The following COL27A1 variants were observed in gnomAD, a reference collection of about 807,000 sequenced individuals.
The protein encoded by COL27A1 is collagen type XXVII alpha 1 chain.
Under a neutral mutation model 251.3 loss-of-function variants are expected in COL27A1, and 106 were observed. The ratio of observed to expected loss-of-function variants is 0.42; its 90% CI spans 0.36 to 0.50. The LOEUF is 0.50. COL27A1 is among the 20% of genes least tolerant of loss of function. The pLI, the probability that COL27A1 is intolerant of heterozygous loss-of-function variation, is 0.00. For missense variants in COL27A1, 2,325 were observed against 2,522.8 expected (o/e 0.92, Z 1.68); for synonymous variants, 1,000 against 986.3 (o/e 1.01, Z -0.26).
chr9:114,300,416 A>G (rs1828534189), intron 50 of COL27A1: 4 of 581,884 alleles, frequency 6.9e-6, no homozygotes, highest in South Asian at 2.2e-5. Context: ...AATAAAGACC[A>G]GGGGCATATG....
intron 40 of COL27A1, among the ~76,000 whole-genome samples, chr9:114,284,192 TAA>T (rs1836111215): frequency 6.6e-6 from 1 of 152,084 alleles, no homozygotes; most frequent in East Asian, 1.9e-4. Context: ...CTCAGGAGGA[TAA>T]AGAGCATGCA....
Position 114,290,364 on chromosome 9 carries a change from T to C in COL27A1, c.4368+33T>C. On this transcript the variant is annotated intron_variant, in intron 47 of 60. Transcript: ENST00000356083. This position sits in a 1 kb window ranked among gnomAD's most constrained non-coding sequence, Gnocchi z 4.6. ...GGAATTGGCATTAACAGATGGTGGCTCCATTTGGGACCAGGTGTAGGGGAA... is the reference window on the plus strand; with the variant it reads ...GGAATTGGCATTAACAGATGGTGGCCCCATTTGGGACCAGGTGTAGGGGAA... The C allele has an allele frequency of 6.6e-7, 1 of 1,523,922 alleles. No individual in the cohort carries two copies. The highest frequency in any genetic ancestry group is 8.9e-7 in the Non-Finnish European group (1 of 1,120,290). 94.4% of individuals were successfully genotyped at this position (1,523,922 alleles called of 1,614,324 possible). A position where few individuals can be genotyped will look rare whatever the true frequency, so the allele number is the denominator to read the frequency against.
rs777485480 is a variant in COL27A1, at chr9:114,183,065, C to T, written c.2006C>T (p.Pro669Leu). The T allele has an allele frequency of 3.1e-6, 5 of 1,613,284 alleles. No homozygotes were observed. Among genetic ancestry groups the T allele is most frequent in the Non-Finnish European group, 2.5e-6 (3 of 1,179,894 alleles). Residue 669 changes from proline to leucine, a missense_variant, in exon 5 of 61, where the codon CCT becomes CTT. Around this residue, in one of 4 missense-constraint regions of COL27A1, gnomAD observed 1,183 missense variants for 1,144.1 expected, o/e 1.03. Transcript: ENST00000356083. ...PYGNPGLPGPPGAKGQKGDPG... is the reference protein window; with the variant it reads ...PYGNPGLPGPLGAKGQKGDPG... ...GGAAATCCAGGTCTCCCCGGCCCTC[C>T]TGGAGCCAAAGTGAGTATTTGCTGG...
chr9:114,284,339 G>T (rs1261016070), intron 40 of COL27A1, among the ~76,000 whole-genome samples: 1 of 152,206 alleles, frequency 6.6e-6, no homozygotes, highest in Non-Finnish European at 1.5e-5. Flanking sequence ...ACCTGGAGGG[G>T]TGTTGCGAGG....
At chr9:114,188,502 T>G (rs1236687037) in intron 5 of COL27A1, among the ~76,000 whole-genome samples, 2 of 152,160 alleles carry the variant, frequency 1.3e-5, no homozygotes, top group Admixed American at 1.3e-4. Flanking sequence ...TGATCATAGT[T>G]CATACCTCAT....
chr9:114,250,025 C>T (rs1235248502), intron 24 of COL27A1, among the ~76,000 whole-genome samples: 2 of 152,234 alleles, frequency 1.3e-5, no homozygotes. Context: ...AGAAGAACCC[C>T]CTGGAACCCA....
At position 114,168,345 on chromosome 9, in the gene COL27A1, C is replaced by T. The variant is rs772101697; in HGVS notation, c.790C>T (p.Leu264Phe). The change falls in exon 3 of 61, where the codon CTC becomes TTC. Residue 264 changes from leucine to phenylalanine, a missense_variant. Transcript: ENST00000356083. ...CAGACCTTTTACCTTCCAGTCCGAC[C>T]TCGCCCTGCTAGGCCTGGAGAACTT... ...SGRPFTFQSD[L>F]ALLGLENLTT... 12 of 1,613,388 alleles carry T rather than the reference C, an allele frequency of 7.4e-6. No homozygotes were observed. In the South Asian group the frequency reaches 7.7e-5, roughly 10 times the overall value.
At chr9:114,234,894 C>A (rs1832248850) in intron 16 of COL27A1, among the ~76,000 whole-genome samples, 1 of 150,662 alleles carries the variant, frequency 6.6e-6, no homozygotes, top group South Asian at 2.1e-4. Flanking sequence ...TGGCGAAACC[C>A]CATCTTTACT....
At chr9:114,285,176 G>A (rs1827374768) in intron 41 of COL27A1, among the ~76,000 whole-genome samples, 1 of 152,226 alleles carries the variant, frequency 6.6e-6, no homozygotes, top group African/African-American at 2.4e-5. Context: ...AGGATGCTGA[G>A]CAGGAGAGGC....
At chr9:114,245,985 C>T in intron 24 of COL27A1, 75 bp downstream of exon 24, 1 of 1,291,702 alleles carries the variant, frequency 7.7e-7, no homozygotes, top group South Asian at 1.3e-5. Context: ...CTTTGCCCAG[C>T]ACCCTCCATG....
chr9:114,193,494 G>A (rs545415728), intron 5 of COL27A1, among the ~76,000 whole-genome samples: 3 of 152,078 alleles, frequency 2.0e-5, no homozygotes, highest in African/African-American at 4.8e-5. Context: ...CAGGAGCCAG[G>A]GCATCCTGGA....
Position 114,240,213 on chromosome 9 carries a change from C to A in COL27A1, c.2728-7C>A, listed in dbSNP as rs2135473790. On this transcript the variant is annotated splice_polypyrimidine_tract_variant and splice_region_variant and intron_variant, in intron 19 of 60. Transcript: ENST00000356083. ...CGTGGGTGACCCTGCTCTCTGCTTC[C>A]CCTCAGGGATTCCCAGGAGACATCG... The A allele has an allele frequency of 6.2e-7, 1 of 1,612,924 alleles. No individual in the cohort carries two copies. The highest frequency in any genetic ancestry group is 1.1e-5 in the South Asian group (1 of 91,004).
In COL27A1 at chr9:114,225,169, G is replaced by A. The variant is rs140900837; in HGVS notation, c.2466+2902G>A. Among the ~76,000 whole-genome samples the A allele has an allele frequency of 2.9e-3, 441 of 152,266 alleles. 3 individuals are homozygous for A. Among genetic ancestry groups the A allele is most frequent in the Middle Eastern group, 0.014 (4 of 294 alleles). On this transcript the variant is annotated intron_variant, in intron 14 of 60. Coordinates refer to ENST00000356083, the MANE Select transcript of COL27A1 (RefSeq NM_032888.4). ...AGTGTCTCTTAGGAGAAACCCTTTCGGCAAATGGGAAAACTGAGGCCCTTG... is the reference window on the plus strand; with the variant it reads ...AGTGTCTCTTAGGAGAAACCCTTTCAGCAAATGGGAAAACTGAGGCCCTTG...
At chr9:114,202,409 ATAAT>A (rs1385085165) in intron 7 of COL27A1, among the ~76,000 whole-genome samples, 1 of 152,180 alleles carries the variant, frequency 6.6e-6, no homozygotes, top group African/African-American at 2.4e-5. Flanking sequence ...TTCAGAGAGG[ATAAT>A]TACTCATACA....
chr9:114,210,877 C>A, intron 11 of COL27A1, 105 bp from the exon 12 acceptor site: 1 of 1,121,312 alleles, frequency 8.9e-7, no homozygotes, highest in Non-Finnish European at 1.3e-6. Flanking sequence ...ACATTCCAGG[C>A]CCTCTGTGAC....
chr9:114,154,285 G>C (rs1236835072), upstream of COL27A1, among the ~76,000 whole-genome samples: 3 of 152,164 alleles, frequency 2.0e-5, no homozygotes, highest in Non-Finnish European at 4.4e-5. The surrounding 1 kb of genome is among the most constrained non-coding windows in gnomAD (Gnocchi z 5.8). Context: ...CCGCCCCCGC[G>C]CCCACGGCTG....
At chr9:114,251,712 C>T (rs1040831460) in intron 25 of COL27A1, among the ~76,000 whole-genome samples, 1 of 152,212 alleles carries the variant, frequency 6.6e-6, no homozygotes. Flanking sequence ...ATGCTTTCTT[C>T]CCATTGCCAT....
In COL27A1 at chr9:114,270,667, A is replaced by G; in HGVS notation, c.3556-61A>G. On this transcript the variant is annotated intron_variant, in intron 35 of 60. Transcript: ENST00000356083. ...GCCCCAGGGAGGGGGAAGAGAGGAA[A>G]AGCACACCGGGGCCTCCTCCCCAGT... 3 of 1,357,114 alleles carry G rather than the reference A, an allele frequency of 2.2e-6. 1 individual carries two copies. The South Asian group carries it at 3.6e-5, about 16-fold the overall frequency. The allele number at this position is 1,357,114 out of a possible 1,614,324, so 84.1% of individuals were successfully genotyped here. A position where few individuals can be genotyped will look rare whatever the true frequency, so the allele number is the denominator to read the frequency against.
In COL27A1 at chr9:114,306,643, C is replaced by T. The variant is rs764138431; in HGVS notation, c.5062C>T (p.Arg1688Trp). Residue 1688 changes from arginine to tryptophan, a missense_variant, in exon 58 of 61, where the codon CGG (arginine) becomes TGG (tryptophan). This residue lies in a region of COL27A1 where 327 missense variants were observed against 442.8 expected (regional missense o/e 0.74). Transcript: ENST00000356083. ...CCTGGGCACCAAAGAGAACCCCGCC[C>T]GGGTCTGCAGGGACCTCATGGACTG... ...TPLGTKENPA[R>W]VCRDLMDCEQ... The T allele has an allele frequency of 1.9e-6, 3 of 1,614,132 alleles. No individual in the cohort carries two copies. Among genetic ancestry groups the T allele is most frequent in the East Asian group, 2.2e-5 (1 of 44,880 alleles).
Sources: gnomAD v4.1 joint callset for allele counts (sites outside exome capture counted in the v4.1 genomes callset) on GRCh38, gnomAD v4.1.1 for gene constraint, gnomAD v4.1.1 regional missense constraint, Gnocchi (gnomAD v3.1) non-coding constraint, MANE v1.5 for transcripts, NCBI Gene and HGNC (gene_info 2026-07-23, HGNC 2026-07-21) for gene names.